Variants in RBFOX3 observed in about 807,000 individuals in gnomAD.
RBFOX3 encodes RNA binding protein fox-1 homolog 3.
In RBFOX3, 17 loss-of-function variants were observed where a neutral mutation model predicts 48.7. That is an observed-to-expected ratio of 0.35 (90% CI 0.24 to 0.52). The LOEUF is 0.52. RBFOX3 is among the 20% of genes least tolerant of loss of function. RBFOX3 has a pLI of 0.94. For missense variants in RBFOX3, 382 were observed against 497.5 expected (o/e 0.77, Z 2.21); for synonymous variants, 212 against 209.5 (o/e 1.01, Z -0.10).
chr17:79,104,331 G>A (rs1222280138), intron 6 of RBFOX3, among the ~76,000 whole-genome samples: 2 of 152,182 alleles, frequency 1.3e-5, no homozygotes, highest in Non-Finnish European at 1.5e-5. Context: ...GCGATGGTGG[G>A]GATAGGGTGC....
At chr17:79,096,935 C>G (rs1374817832) in intron 11 of RBFOX3, 102 bp from the exon 12 acceptor site, 1 of 607,518 alleles carries the variant, frequency 1.6e-6, no homozygotes, top group Non-Finnish European at 2.9e-6. Flanking sequence ...GCTGTGCCCC[C>G]CACCCCTTTA....
intron 1 of RBFOX3, among the ~76,000 whole-genome samples, chr17:79,503,861 G>A (rs2082697879): frequency 6.6e-6 from 1 of 152,200 alleles, no homozygotes; most frequent in Non-Finnish European, 1.5e-5. Flanking sequence ...GAATCCAGAG[G>A]GGTGCAGAGC....
chr17:79,141,369 C>G (rs985863034), intron 4 of RBFOX3, among the ~76,000 whole-genome samples: 2 of 152,198 alleles, frequency 1.3e-5, no homozygotes, highest in African/African-American at 4.8e-5. Flanking sequence ...GCAGGGAAGG[C>G]TACAGAGTTC....
intron 1 of RBFOX3, among the ~76,000 whole-genome samples, chr17:79,521,409 T>A (rs965238752): frequency 4.0e-5 from 6 of 150,402 alleles, no homozygotes. Flanking sequence ...GACACACACA[T>A]ACCCTCACAG....
Position 79,205,156 on chromosome 17 carries a change from C to G in RBFOX3, c.-34+30610G>C, listed in dbSNP as rs1030830011. Among the ~76,000 whole-genome samples the G allele has an allele frequency of 2.0e-5, 3 of 152,126 alleles. No individual in the cohort carries two copies. The highest frequency in any genetic ancestry group is 7.2e-5 in the African/African-American group (3 of 41,398). On this transcript the variant is annotated intron_variant, in intron 4 of 14. Coordinates refer to ENST00000693108, the MANE Select transcript of RBFOX3 (RefSeq NM_001350451.2). The surrounding 1 kb of genome is among the most constrained non-coding windows in gnomAD (Gnocchi z 4.5). ...TAATGATAGCATCCCCATCCTTCCC[C>G]AGATGGACCTGTGGATACTTGCCAG...
chr17:79,370,884 G>A (rs1172019290), intron 2 of RBFOX3, among the ~76,000 whole-genome samples: 1 of 152,230 alleles, frequency 6.6e-6, no homozygotes, highest in Non-Finnish European at 1.5e-5. Context: ...TTAGTTCCCA[G>A]GGCCAAGCAC....
Position 79,560,316 on chromosome 17 carries a change from T to C in RBFOX3, c.-320+50510A>G, listed in dbSNP as rs2092124903. On this transcript the variant is annotated intron_variant, in intron 1 of 14. Coordinates refer to ENST00000693108, the MANE Select transcript of RBFOX3 (RefSeq NM_001350451.2). The stretch of plus-strand genomic sequence containing the variant: ...AGCTCTCACATACACAGGGATACTT[T>C]GCGAACTGCAGAGCAGAGAACCCAT... Among the ~76,000 whole-genome samples, 3 of 152,082 alleles carry C rather than the reference T, an allele frequency of 2.0e-5. No homozygotes were observed. In the South Asian group the frequency reaches 6.2e-4, roughly 32 times the overall value.
intron 1 of RBFOX3, among the ~76,000 whole-genome samples, chr17:79,494,927 A>C (rs1443598874): frequency 6.6e-6 from 1 of 152,194 alleles, no homozygotes; most frequent in Non-Finnish European, 1.5e-5. Flanking sequence ...GATGATTTTC[A>C]TCTGAACAGG....
chr17:79,393,023 G>C (rs1240638519), intron 2 of RBFOX3, among the ~76,000 whole-genome samples: 2 of 152,188 alleles, frequency 1.3e-5, no homozygotes, highest in Non-Finnish European at 2.9e-5. Flanking sequence ...TCGTGATGGA[G>C]ACCAAAGCCC....
At chr17:79,322,631 GAC>G (rs1417046850) in intron 2 of RBFOX3, among the ~76,000 whole-genome samples, 3 of 152,180 alleles carry the variant, frequency 2.0e-5, no homozygotes, top group Non-Finnish European at 4.4e-5. Flanking sequence ...GTACAGAGGA[GAC>G]ACAGCTGGGT....
Position 79,361,370 on chromosome 17 carries a change from G to A in RBFOX3, c.-174-53546C>T, listed in dbSNP as rs1198009932. On this transcript the variant is annotated intron_variant, in intron 2 of 14. Coordinates refer to ENST00000693108, the MANE Select transcript of RBFOX3 (RefSeq NM_001350451.2). The surrounding 1 kb of genome is among the most constrained non-coding windows in gnomAD (Gnocchi z 4.5). ...TAACAGCTCTGTGCAGGTGGCATGA[G>A]CTTGCATCCCCCACTGCCTTCCTTG... 6.6e-6 allele frequency among the ~76,000 whole-genome samples: 1 copy of A among 152,188 alleles called. No individual in the cohort carries two copies. Among genetic ancestry groups the A allele is most frequent in the Non-Finnish European group, 1.5e-5 (1 of 68,030 alleles).
chr17:79,094,643 G>T (rs1223397661), intron 13 of RBFOX3, 114 bp from the exon 14 acceptor site: 3 of 635,720 alleles, frequency 4.7e-6, no homozygotes, highest in African/African-American at 3.9e-5. Flanking sequence ...CTGTACCGAG[G>T]TCCCATCTGC....
At chr17:79,574,988 CACTTTGAGTGGCACAGTGGTTCCCA>C (rs1444300906) in intron 1 of RBFOX3, among the ~76,000 whole-genome samples, 15 of 152,352 alleles carry the variant, frequency 9.8e-5, no homozygotes, top group Admixed American at 9.8e-4. Flanking sequence ...CCAAGGATCG[CACTTTGAGTGGCACAGTGGTTCCCA>C]ACTTTGAGTG....
intron 8 of RBFOX3, among the ~76,000 whole-genome samples, chr17:79,102,593 C>T (rs1428797104): frequency 1.3e-5 from 2 of 152,184 alleles, no homozygotes; most frequent in African/African-American, 2.4e-5. Context: ...GGGGACAGAG[C>T]GGGATGGGTG....
chr17:79,164,504 G>A (rs920097535), intron 4 of RBFOX3, among the ~76,000 whole-genome samples: 3 of 152,224 alleles, frequency 2.0e-5, no homozygotes, highest in African/African-American at 7.2e-5. Context: ...CAGTCTTGGG[G>A]GGAGGTGTTA....
intron 4 of RBFOX3, among the ~76,000 whole-genome samples, chr17:79,230,109 G>C (rs733213): frequency 0.65 from 98,143 of 152,046 alleles, 32,721 homozygotes; most frequent in Middle Eastern, 0.8. Context: ...GGGGGGTGCC[G>C]CCCAGAGGCA....
At chr17:79,186,218 C>A (rs1390512040) in intron 4 of RBFOX3, among the ~76,000 whole-genome samples, 1 of 152,250 alleles carries the variant, frequency 6.6e-6, no homozygotes, top group Non-Finnish European at 1.5e-5. Flanking sequence ...TCATCACACC[C>A]AGCTCCAGAG....
intron 5 of RBFOX3, among the ~76,000 whole-genome samples, chr17:79,114,389 C>T (rs550340139): frequency 3.3e-5 from 5 of 152,050 alleles, no homozygotes; most frequent in Non-Finnish European, 5.9e-5. Flanking sequence ...TCGGGCTGGG[C>T]GGGGCTCCAA....
chr17:79,154,089 C>A (rs1357331451), intron 4 of RBFOX3, among the ~76,000 whole-genome samples: 1 of 152,158 alleles, frequency 6.6e-6, no homozygotes, highest in African/African-American at 2.4e-5. Context: ...CTGACCCCGG[C>A]CCCCAAGGCT....
Sources: allele counts gnomAD v4.1 joint callset (sites outside exome capture counted in the v4.1 genomes callset), GRCh38; gene constraint gnomAD v4.1.1; non-coding constraint Gnocchi (gnomAD v3.1); transcripts MANE v1.5; gene names NCBI Gene and HGNC (gene_info 2026-07-23, HGNC 2026-07-21).